GPLD1: variants seen among roughly 807,000 people sequenced by gnomAD.
GPLD1 encodes the protein glycosylphosphatidylinositol specific phospholipase D1, also known as phosphatidylinositol-glycan-specific phospholipase D.
GPLD1 carries 84 observed loss-of-function variants against 112.6 expected under a neutral mutation model. That is an observed-to-expected ratio of 0.75 (90% CI 0.63 to 0.89). The LOEUF (loss-of-function observed/expected upper bound fraction) is 0.89. GPLD1 is among the 40% of genes least tolerant of loss of function. The pLI is 0.00. For missense variants in GPLD1, 1,044 were observed against 1,051.5 expected, an observed-to-expected ratio of 0.99 and a Z score of 0.10; for synonymous variants, 386 against 403.8, an observed-to-expected ratio of 0.96 and a Z score of 0.53.
At chr6:24,455,626 AT>A (rs1327605874) in intron 13 of GPLD1, among the ~76,000 whole-genome samples, 1 of 152,216 alleles carries the variant, frequency 6.6e-6, no homozygotes. Context: ...CTGTCATGGT[AT>A]ACCAGCTTTT....
At chr6:24,450,373 T>C (rs920927956) in intron 14 of GPLD1, among the ~76,000 whole-genome samples, 8 of 151,992 alleles carry the variant, frequency 5.3e-5, no homozygotes, top group Non-Finnish European at 1.2e-4. Flanking sequence ...TGGTGGCACA[T>C]GCCTGTAATC....
intron 20 of GPLD1, among the ~76,000 whole-genome samples, chr6:24,444,827 C>T (rs1008009960): frequency 2.0e-5 from 3 of 151,870 alleles, no homozygotes; most frequent in Non-Finnish European, 1.5e-5. Flanking sequence ...CCAGCCTGGG[C>T]GACACAGCAA....
chr6:24,454,262 C>T, intron 13 of GPLD1, 61 bp from the exon 14 acceptor site: 1 of 1,222,532 alleles, frequency 8.2e-7, no homozygotes, highest in East Asian at 2.6e-5. Context: ...AAGCTGTCGC[C>T]TGCTTCTTTC....
intron 11 of GPLD1, 114 bp from the exon 12 acceptor site, chr6:24,460,513 A>G (rs1763400951): frequency 9.3e-7 from 1 of 1,079,428 alleles, no homozygotes; most frequent in Admixed American, 2.3e-5. Flanking sequence ...CAAAATTTTA[A>G]CGTCAGAAGG....
rs1202531290 is a variant in GPLD1, at chr6:24,476,270, G to C, written c.241C>G (p.His81Asp). The change falls in exon 4 of 25, where the codon CAT becomes GAT. Residue 81 changes from histidine to aspartate, a missense_variant. Physicochemically the swap from His to Asp is moderately conservative, Grantham distance 81. Transcript: ENST00000230036. ...YPSICKGGKF[H>D]DVSESTHWTP... is the part of the protein sequence containing the mutation. Reference sequence around the variant, plus strand: ...CAGTGAGTGCTCTCAGACACATCATGGAATTTTCCTGACAAAACAAAAGCA... The same window carrying C: ...CAGTGAGTGCTCTCAGACACATCATCGAATTTTCCTGACAAAACAAAAGCA... 1 of 1,532,950 alleles carries C rather than the reference G, an allele frequency of 6.5e-7. No individual in the cohort carries two copies. Among genetic ancestry groups the C allele is most frequent in the South Asian group, 1.2e-5 (1 of 84,578 alleles). The allele number at this position is 1,532,950 out of a possible 1,614,324, so 95.0% of individuals were successfully genotyped here.
chr6:24,449,243 T>G (rs1280528573), intron 15 of GPLD1, among the ~76,000 whole-genome samples: 1 of 151,380 alleles, frequency 6.6e-6, no homozygotes, highest in East Asian at 2.0e-4. Flanking sequence ...GGGGCAAGAG[T>G]TGAGTCTGCA....
At chr6:24,434,047 A>G (rs896533212) in intron 22 of GPLD1, among the ~76,000 whole-genome samples, 1 of 152,178 alleles carries the variant, frequency 6.6e-6, no homozygotes, top group African/African-American at 2.4e-5. Context: ...ATCATATTAT[A>G]TAAGAATATC....
exon 1 of GPLD1, chr6:24,495,033 C>G: frequency 7.4e-7 from 1 of 1,347,918 alleles, no homozygotes; most frequent in Non-Finnish European, 9.5e-7. Context: ...CTGTGGGGCC[C>G]GGCGCCTCGG....
chr6:24,453,498 T>C (rs994636628), intron 14 of GPLD1, among the ~76,000 whole-genome samples: 2 of 152,144 alleles, frequency 1.3e-5, no homozygotes, highest in Admixed American at 6.5e-5. Flanking sequence ...TAGCCGGGCC[T>C]GGTGGTGTGC....
At chr6:24,438,017 C>T (rs1016800240) in intron 20 of GPLD1, among the ~76,000 whole-genome samples, 3 of 152,068 alleles carry the variant, frequency 2.0e-5, no homozygotes, top group East Asian at 1.9e-4. Flanking sequence ...CAGCTGGGGC[C>T]CACAAAACAT....
At chr6:24,494,254 G>A (rs1357157468), upstream of GPLD1, among the ~76,000 whole-genome samples, 1 of 152,124 alleles carries the variant, frequency 6.6e-6, no homozygotes, top group Non-Finnish European at 1.5e-5. Flanking sequence ...CAACAAAATG[G>A]GGTAGATATG....
chr6:24,445,697 C>T lies in GPLD1; in HGVS notation c.1926+29G>A, dbSNP rs768991262. 3.1e-6 allele frequency: 5 copies of T among 1,602,744 alleles called. No homozygotes were observed. In the African/African-American group the frequency reaches 5.4e-5, roughly 17 times the overall value. ...TGAGAAAACTTCCTTGGAGTGTCCA[C>T]TCTCCTGTGTGGGGAGGGCTTGTCA... On this transcript the variant is annotated intron_variant, in intron 19 of 24. Transcript: ENST00000230036.
At position 24,433,672 on chromosome 6, in the gene GPLD1, T is replaced by TTTA. The variant is rs758860961; in HGVS notation, c.2359-286_2359-284dup. 3 of 308,086 alleles carry TTTA rather than the reference T, an allele frequency of 9.7e-6. No individual in the cohort carries two copies. In the East Asian group the frequency reaches 2.3e-4, roughly 23 times the overall value. The allele number at this position is 308,086 out of a possible 1,614,324, so 19.1% of individuals were successfully genotyped here. Reference sequence around the variant, plus strand: ...CACGCCCGGTTAATTTTTTTGTATTTTTAGTAGAGAGGCGGTTTCACCACG... The same window carrying TTTA: ...CACGCCCGGTTAATTTTTTTGTATTTTTATTAGTAGAGAGGCGGTTTCACCACG... On this transcript the variant is annotated intron_variant, in intron 22 of 24. Transcript: ENST00000230036.
chr6:24,429,185 A>T lies in GPLD1; in HGVS notation c.2437-67T>A, dbSNP rs1011856219. The T allele has an allele frequency of 2.8e-5, 27 of 966,326 alleles. No homozygotes were observed. In the Admixed American group the frequency reaches 5.0e-4, roughly 18 times the overall value. The allele number at this position is 966,326 out of a possible 1,614,324, so 59.9% of individuals were successfully genotyped here. A position where few individuals can be genotyped will look rare whatever the true frequency, so the allele number is the denominator to read the frequency against. ...ATCTATTGAGTTCCTATGGTAGTCCAGGCATCATGCTATGCTCTAGAAATA... is the reference window on the plus strand; with the variant it reads ...ATCTATTGAGTTCCTATGGTAGTCCTGGCATCATGCTATGCTCTAGAAATA... On this transcript the variant is annotated intron_variant, in intron 24 of 24. Transcript: ENST00000230036.
chr6:24,436,564 TA>T lies in GPLD1; in HGVS notation c.2358+11del, dbSNP rs1762583243. The T allele has an allele frequency of 6.2e-7, 1 of 1,609,928 alleles. No homozygotes were observed. Among genetic ancestry groups the T allele is most frequent in the African/African-American group, 1.3e-5 (1 of 74,848 alleles). ...TTTCCCAATAAGTTATAGAATTTTG[TA>T]GAACACTTACCTTTTCTTCTGGACA... is the stretch of plus-strand genomic sequence containing the variant. On this transcript the variant is annotated intron_variant, in intron 22 of 24. Coordinates refer to ENST00000230036, the MANE Select transcript of GPLD1 (RefSeq NM_001503.4).
intron 6 of GPLD1, 187 bp downstream of exon 6, chr6:24,473,432 C>G (rs1204331975): frequency 2.4e-5 from 10 of 421,054 alleles, no homozygotes; most frequent in Middle Eastern, 6.6e-4. Flanking sequence ...CATATAGACA[C>G]AAGTTTTTAG....
intron 24 of GPLD1, among the ~76,000 whole-genome samples, chr6:24,430,178 A>C (rs1390265159): frequency 6.6e-6 from 1 of 152,208 alleles, no homozygotes; most frequent in African/African-American, 2.4e-5. Flanking sequence ...ATCAAATGGT[A>C]CTTTATTCTC....
chr6:24,467,054 A>C (rs904123758), intron 8 of GPLD1, 113 bp downstream of exon 8: 1 of 1,094,328 alleles, frequency 9.1e-7, no homozygotes, highest in African/African-American at 1.5e-5. Flanking sequence ...ACTGCCTTTG[A>C]ATAAGCAGAA....
At chr6:24,433,319 GT>G (rs755385010) in intron 23 of GPLD1, 43 bp downstream of exon 23, 252 of 1,586,400 alleles carry the variant, frequency 1.6e-4, no homozygotes, top group Non-Finnish European at 2.2e-4. Context: ...AAGGGGCATT[GT>G]TTTGGTAATT....
Sources: gnomAD v4.1 joint callset for allele counts (sites outside exome capture counted in the v4.1 genomes callset) on GRCh38, gnomAD v4.1.1 for gene constraint, MANE v1.5 for transcripts, NCBI Gene and HGNC (gene_info 2026-07-23, HGNC 2026-07-21) for gene names.